The following VWF variants were observed in gnomAD, a reference collection of about 807,000 sequenced individuals.
VWF encodes Factor VIII related antigen.
Under a neutral mutation model 308.6 loss-of-function variants are expected in VWF, and 176 were observed. The ratio of observed to expected loss-of-function variants is 0.57; its 90% confidence interval spans 0.50 to 0.65. The LOEUF (loss-of-function observed/expected upper bound fraction) is 0.65, where lower values mean the gene tolerates loss of function less well. VWF is among the 30% of genes least tolerant of loss of function. The pLI is 0.00. For synonymous variants in VWF, 1,385 were observed against 1,443.4 expected (o/e 0.96, Z 0.92); for missense variants, 3,146 against 3,648.2 (o/e 0.86, Z 3.55).
chr12:5,974,476 C>G (rs1001134781), intron 43 of VWF, among the ~76,000 whole-genome samples: 8 of 152,128 alleles, frequency 5.3e-5, no homozygotes, highest in Admixed American at 2.6e-4. Context: ...GGATTATACC[C>G]CAGGACCTGC....
In VWF at chr12:6,023,724, C is replaced by A; in HGVS notation, c.3286G>T (p.Asp1096Tyr). 1 of 1,613,796 alleles carries A rather than the reference C, an allele frequency of 6.2e-7. No individual in the cohort carries two copies. The highest frequency in any genetic ancestry group is 1.1e-5 in the South Asian group (1 of 90,966). ...ATGGTGTCGCAGAAGCAGGCGCAGT[C>A]CCCAATGGACTCACAGGAGCAGGTG... The part of the protein sequence containing the change: ...YDTCSCESIG[D>Y]CACFCDTIAA... The change falls in exon 25 of 52, where the codon GAC (aspartate) becomes TAC (tyrosine). Residue 1096 changes from aspartate to tyrosine, a missense_variant. By Grantham distance (160) the Asp-to-Tyr change is radical. Around this residue, in one of 3 missense-constraint regions of VWF, gnomAD observed 853 missense variants for 1,177.8 expected, o/e 0.72. Coordinates refer to ENST00000261405, the MANE Select transcript of VWF (RefSeq NM_000552.5).
chr12:6,088,436 A>G (rs1237178167), intron 6 of VWF, among the ~76,000 whole-genome samples: 3 of 150,836 alleles, frequency 2.0e-5, no homozygotes, highest in Middle Eastern at 3.4e-3. Flanking sequence ...CCAAGATCGC[A>G]CTACTGCACT....
intron 14 of VWF, among the ~76,000 whole-genome samples, chr12:6,057,515 T>TATTATG (rs1944597864): frequency 7.0e-6 from 1 of 143,346 alleles, no homozygotes; most frequent in Admixed American, 6.9e-5. Context: ...TTATTATTAT[T>TATTATG]ATTATTATTA....
rs61749385 is a variant in VWF at position 6,019,501 on chromosome 12, C to A, written c.3917G>T (p.Arg1306Leu). 6.2e-7 allele frequency: 1 copy of A among 1,613,956 alleles called. No homozygotes were observed. The highest frequency in any genetic ancestry group is 8.5e-7 in the Non-Finnish European group (1 of 1,179,870). ...LKAFVVDMME[R>L]LRISQKWVRV... Reference sequence around the variant, plus strand: ...GACCCACTTCTGGGAGATGCGCAGCCGCTCCATCATGTCCACCACAAAGGC... The same window carrying A: ...GACCCACTTCTGGGAGATGCGCAGCAGCTCCATCATGTCCACCACAAAGGC... Residue 1306 changes from arginine (R) to leucine (L), a missense_variant, in exon 28 of 52, where the codon CGG becomes CTG. Transcript: ENST00000261405. This position sits in a 1 kb window ranked among gnomAD's most constrained non-coding sequence, Gnocchi z 5.8.
At chr12:6,119,203 T>G (rs1286908720) in intron 3 of VWF, among the ~76,000 whole-genome samples, 1 of 152,192 alleles carries the variant, frequency 6.6e-6, no homozygotes, top group African/African-American at 2.4e-5. Flanking sequence ...TGGTACAGCC[T>G]CCCAGCCTAC....
At chr12:6,013,341 G>C in intron 32 of VWF, 140 bp downstream of exon 32, 1 of 1,057,504 alleles carries the variant, frequency 9.5e-7, no homozygotes, top group Non-Finnish European at 1.4e-6. Flanking sequence ...AAAGGTCCTG[G>C]TCTATATAAT....
chr12:5,964,183 C>G (rs1943354361), intron 47 of VWF, among the ~76,000 whole-genome samples: 1 of 150,602 alleles, frequency 6.6e-6, no homozygotes. Context: ...CACCACTGCA[C>G]TCCAGCCTGG....
chr12:6,032,972 T>A (rs918104896), intron 20 of VWF, among the ~76,000 whole-genome samples: 1 of 148,660 alleles, frequency 6.7e-6, no homozygotes, highest in Non-Finnish European at 1.5e-5. Context: ...TCATACACAG[T>A]CACACACACG....
chr12:6,120,665 G>A (rs772498689), intron 3 of VWF, among the ~76,000 whole-genome samples: 1 of 152,112 alleles, frequency 6.6e-6, no homozygotes, highest in Non-Finnish European at 1.5e-5. Context: ...ATGAGCCTTG[G>A]TTCTCCATTG....
chr12:6,016,712 G>C (rs1565830645), intron 29 of VWF, 42 bp downstream of exon 29: 1 of 1,614,236 alleles, frequency 6.2e-7, no homozygotes. Context: ...CACAAAAAGA[G>C]CCTCTTCGTC....
At chr12:5,953,071 A>G (rs1373860033) in intron 48 of VWF, among the ~76,000 whole-genome samples, 1 of 152,096 alleles carries the variant, frequency 6.6e-6, no homozygotes, top group African/African-American at 2.4e-5. Context: ...TACTAAAACT[A>G]CAAAAATTAG....
At chr12:6,056,808 A>T in intron 15 of VWF, 49 bp downstream of exon 15, 4 of 1,323,478 alleles carry the variant, frequency 3.0e-6, no homozygotes, top group Non-Finnish European at 3.8e-6. Flanking sequence ...GCACACGTGG[A>T]CGGATTTGGG....
chr12:6,004,494 CACTGCTATTCA>C lies in VWF; in HGVS notation c.5842+7112_5842+7122del, dbSNP rs1042214446. Among the ~76,000 whole-genome samples the C allele has an allele frequency of 1.1e-4, 17 of 151,970 alleles. 1 individual carries two copies. The East Asian group carries it at 3.3e-3, about 29-fold the overall frequency. On this transcript the variant is annotated intron_variant, in intron 34 of 51. Coordinates refer to ENST00000261405, the MANE Select transcript of VWF (RefSeq NM_000552.5). ...GCGTGTGTGTGTGTGCAAGATACTCCACTGCTATTCAACATTGTACTAAAAAGTTTATTAAT... is the reference window on the plus strand; with the variant it reads ...GCGTGTGTGTGTGTGCAAGATACTCCACATTGTACTAAAAAGTTTATTAAT...
intron 3 of VWF, among the ~76,000 whole-genome samples, chr12:6,120,250 G>A (rs757602002): frequency 4.6e-5 from 7 of 152,104 alleles, no homozygotes; most frequent in Non-Finnish European, 5.9e-5. Flanking sequence ...GCACTTCTGA[G>A]CCCTCTTCTA....
intron 34 of VWF, among the ~76,000 whole-genome samples, chr12:5,999,500 ACAC>A (rs1331922613): frequency 2.2e-4 from 33 of 148,810 alleles, no homozygotes; most frequent in Non-Finnish European, 3.6e-4. Flanking sequence ...ACACACACAC[ACAC>A]CACTAAGGAA....
At chr12:6,118,635 C>G (rs762636095) in intron 3 of VWF, among the ~76,000 whole-genome samples, 2 of 152,144 alleles carry the variant, frequency 1.3e-5, no homozygotes, top group Admixed American at 6.5e-5. Context: ...GATCCGCCCC[C>G]CTCGGCCTCC....
intron 2 of VWF, among the ~76,000 whole-genome samples, chr12:6,122,376 G>A (rs553677716): frequency 2.8e-4 from 43 of 152,306 alleles, no homozygotes; most frequent in Non-Finnish European, 5.0e-4. Flanking sequence ...TAGACTCTCT[G>A]AAGTGTGAAC....
chr12:5,953,452 A>C, intron 48 of VWF, 44 bp downstream of exon 48: 1 of 1,563,046 alleles, frequency 6.4e-7, no homozygotes, highest in Non-Finnish European at 8.8e-7. Context: ...AAAGGAAGCA[A>C]GATGGTGATA....
chr12:6,074,941 G>C (rs553380339), intron 7 of VWF, among the ~76,000 whole-genome samples: 4 of 152,128 alleles, frequency 2.6e-5, no homozygotes, highest in Non-Finnish European at 5.9e-5. Flanking sequence ...CACCACACAC[G>C]GACAGCCAGG....
Sources: allele counts gnomAD v4.1 joint callset (sites outside exome capture counted in the v4.1 genomes callset), GRCh38; gene constraint gnomAD v4.1.1; regional missense constraint gnomAD v4.1.1; non-coding constraint Gnocchi (gnomAD v3.1); transcripts MANE v1.5; gene names NCBI Gene and HGNC (gene_info 2026-07-23, HGNC 2026-07-21).